Variants in SVIL observed in about 807,000 individuals in gnomAD.
SVIL encodes the protein archvillin.
Under a neutral mutation model 240.4 loss-of-function variants are expected in SVIL, and 101 were observed. The observed-to-expected ratio is 0.42, with a 90% CI of 0.36 to 0.50. The LOEUF is 0.50. Ranked by LOEUF, SVIL falls within the 20% of genes least tolerant of loss-of-function variation. SVIL has a pLI of 0.01. For missense variants in SVIL, 2,512 were observed against 2,818.7 expected (o/e 0.89, Z 2.46); for synonymous variants, 999 against 1,100.0 (o/e 0.91, Z 1.82).
chr10:29,512,928 T>G (rs1397944390), intron 16 of SVIL, 67 bp from the exon 17 acceptor site: 2 of 1,570,258 alleles, frequency 1.3e-6, no homozygotes, highest in Admixed American at 1.8e-5. Context: ...GGAACCATAA[T>G]CTAGGTAAGA....
In SVIL at chr10:29,717,232, C is replaced by CAAAAAAAAAAA. The variant is rs71023503; in HGVS notation, c.-400+18508_-400+18518dup. On this transcript the variant is annotated intron_variant, in intron 1 of 35. Transcript: ENST00000375400. ...TGGGCGACAGAGCAAGACTCTCTCT[C>CAAAAAAAAAAA]AAAAAAAAAAAAAAAAAAAAAAAAA... Among the ~76,000 whole-genome samples the CAAAAAAAAAAA allele has an allele frequency of 1.8e-4, 7 of 38,298 alleles. 1 individual carries two copies. The highest frequency in any genetic ancestry group is 2.9e-4 in the African/African-American group (3 of 10,420). The allele number at this position is 38,298 out of a possible 152,430, so 25.1% of individuals were successfully genotyped here.
At position 29,474,594 on chromosome 10, in the gene SVIL, CAAATAAATAAATAAATAAAT is replaced by C. The variant is rs59193522; in HGVS notation, c.5378-625_5378-606del. On this transcript the variant is annotated intron_variant, in intron 29 of 37. Transcript: ENST00000355867. ...TGGGTGACAGAGTGAGACTCTCTTA[CAAATAAATAAATAAATAAAT>C]AAATAAATAAATAAATAAATAAATA... is the stretch of plus-strand genomic sequence containing the variant. Among the ~76,000 whole-genome samples the C allele has an allele frequency of 6.8e-4, 95 of 140,218 alleles. No homozygotes were observed. In the Middle Eastern group the frequency reaches 0.021, roughly 31 times the overall value. 92.0% of individuals were successfully genotyped at this position (140,218 alleles called of 152,430 possible).
rs1380825056 is a variant in SVIL, at chr10:29,484,111, A to T, written c.4955+545T>A. ...CCAAAATGACTTTAAAGAGTCTAGTACATGCAGGGAATATTACAATTGCAA... is the reference window on the plus strand; with the variant it reads ...CCAAAATGACTTTAAAGAGTCTAGTTCATGCAGGGAATATTACAATTGCAA... On this transcript the variant is annotated intron_variant, in intron 27 of 37. Transcript: ENST00000355867. This position sits in a 1 kb window ranked among gnomAD's most constrained non-coding sequence, Gnocchi z 4.7. Among the ~76,000 whole-genome samples the T allele has an allele frequency of 6.6e-6, 1 of 152,210 alleles. No individual in the cohort carries two copies. Among genetic ancestry groups the T allele is most frequent in the Admixed American group, 6.5e-5 (1 of 15,284 alleles).
intron 1 of SVIL, among the ~76,000 whole-genome samples, chr10:29,579,041 C>T (rs1464970237): frequency 6.6e-6 from 1 of 152,184 alleles, no homozygotes; most frequent in Non-Finnish European, 1.5e-5. Context: ...TGCTCTATTT[C>T]ACCTACTTCG....
chr10:29,584,811 T>A (rs76214935), intron 1 of SVIL, among the ~76,000 whole-genome samples: 1,805 of 152,292 alleles, frequency 0.012, 18 homozygotes, highest in Middle Eastern at 0.027. Flanking sequence ...GCCATCCCTG[T>A]AGCCCAAGTG....
chr10:29,507,843 T>C (rs1327319332), intron 17 of SVIL: 1 of 948,340 alleles, frequency 1.1e-6, no homozygotes, highest in Non-Finnish European at 1.3e-6. Flanking sequence ...GGGTTTAAGG[T>C]GAAAAGAGAA....
chr10:29,599,053 C>CT (rs758756076), intron 1 of SVIL, among the ~76,000 whole-genome samples: 1 of 152,116 alleles, frequency 6.6e-6, no homozygotes, highest in South Asian at 2.1e-4. Context: ...CAGTTTGTTT[C>CT]TTTTTTTACT....
intron 3 of SVIL, among the ~76,000 whole-genome samples, chr10:29,653,000 C>CTT (rs895855388): frequency 6.4e-5 from 9 of 141,278 alleles, no homozygotes; most frequent in Admixed American, 1.4e-4. Flanking sequence ...TTTCCTTTTC[C>CTT]TTTTTTTTTT....
At chr10:29,649,241 CACT>C (rs1470982217) in intron 3 of SVIL, among the ~76,000 whole-genome samples, 2 of 152,126 alleles carry the variant, frequency 1.3e-5, no homozygotes, top group African/African-American at 4.8e-5. Context: ...ACATAGGACA[CACT>C]ACTAATATCA....
At chr10:29,693,959 A>G (rs1961719364) in intron 1 of SVIL, among the ~76,000 whole-genome samples, 1 of 152,012 alleles carries the variant, frequency 6.6e-6, no homozygotes, top group African/African-American at 2.4e-5. Context: ...ATACATACAT[A>G]CATAGATACA....
intron 10 of SVIL, 127 bp from the exon 11 acceptor site, chr10:29,530,795 G>A (rs1951307723): frequency 2.0e-6 from 2 of 1,023,250 alleles, no homozygotes; most frequent in Non-Finnish European, 3.0e-6. Flanking sequence ...ATAATAATTG[G>A]TGGTAGTTTC....
Position 29,465,765 on chromosome 10 carries a change from A to C in SVIL, c.5978-15T>G. 2 of 1,610,464 alleles carry C rather than the reference A, an allele frequency of 1.2e-6. No individual in the cohort carries two copies. Among genetic ancestry groups the C allele is most frequent in the African/African-American group, 2.7e-5 (2 of 74,976 alleles). ...ACTTCCAGGATCTTTGAAAGAAAAG[A>C]GAACAAAGCTGAAGATATCATGTGC... On this transcript the variant is annotated splice_polypyrimidine_tract_variant and intron_variant, in intron 33 of 37. Transcript: ENST00000355867.
chr10:29,470,194 G>A (rs1945398030), intron 32 of SVIL, 82 bp downstream of exon 32: 1 of 1,501,364 alleles, frequency 6.7e-7, no homozygotes, highest in African/African-American at 1.4e-5. Flanking sequence ...GGATCTGCTG[G>A]GAGTCTTGGT....
chr10:29,661,027 T>G (rs1959144018), intron 2 of SVIL, among the ~76,000 whole-genome samples: 1 of 151,934 alleles, frequency 6.6e-6, no homozygotes, highest in African/African-American at 2.4e-5. Context: ...ATTAGCCAGG[T>G]GTGGTGGCAC....
intron 1 of SVIL, among the ~76,000 whole-genome samples, chr10:29,607,987 A>G (rs1957088869): frequency 6.6e-6 from 1 of 152,238 alleles, no homozygotes; most frequent in Non-Finnish European, 1.5e-5. Context: ...ATTAATGTAG[A>G]TGCGCTGCAA....
At chr10:29,532,266 G>A in intron 8 of SVIL, 94 bp from the exon 9 acceptor site, 1 of 1,436,400 alleles carries the variant, frequency 7.0e-7, no homozygotes, top group South Asian at 1.4e-5. Flanking sequence ...TGAGTCAAGG[G>A]ACAGACACCA....
rs1270874 is a variant in SVIL at position 29,550,935 on chromosome 10, A to C, written c.489T>G (p.Ala163=). The change falls in exon 6 of 38, where the codon GCT becomes GCG. Residue 163 remains alanine (A), a synonymous_variant. Transcript: ENST00000355867. ...TCTCGGTCCCGGGGTACAGAGAACT[A>C]GCATCTCTGCTTGACTCTTCCTGTT... is the stretch of plus-strand genomic sequence containing the variant. ...SDKQEESSRD[A]SSLYPGTETM... is the part of the protein sequence containing the mutation. The C allele has an allele frequency of 0.73, 1,185,020 of 1,613,692 alleles. 436,481 individuals carry two copies. Among genetic ancestry groups the C allele is most frequent in the East Asian group, 0.85 (37,927 of 44,816 alleles).
intron 9 of SVIL, 61 bp from the exon 10 acceptor site, chr10:29,531,349 T>C: frequency 7.0e-7 from 1 of 1,419,364 alleles, no homozygotes; most frequent in South Asian, 1.2e-5. Context: ...AAGATCGAAA[T>C]AAAACATCAT....
intron 1 of SVIL, among the ~76,000 whole-genome samples, chr10:29,704,152 C>G (rs979857762): frequency 6.6e-6 from 1 of 152,142 alleles, no homozygotes; most frequent in African/African-American, 2.4e-5. Context: ...ACTGGTACTT[C>G]CTGCTCCAGT....
Sources: allele counts gnomAD v4.1 joint callset (sites outside exome capture counted in the v4.1 genomes callset), GRCh38; gene constraint gnomAD v4.1.1; non-coding constraint Gnocchi (gnomAD v3.1); transcripts MANE v1.5; gene names NCBI Gene and HGNC (gene_info 2026-07-23, HGNC 2026-07-21).